Variants in NRXN3 observed in about 807,000 individuals in gnomAD.
NRXN3 encodes the protein neurexin III.
NRXN3 carries 32 observed loss-of-function variants against 137.6 expected under a neutral mutation model. The ratio of observed to expected loss-of-function variants is 0.23; its 90% CI spans 0.18 to 0.31. The LOEUF (loss-of-function observed/expected upper bound fraction) is 0.31. Among genes scored for constraint, NRXN3 ranks in the 10% least tolerant of loss-of-function variants. The pLI is 1.00. For synonymous variants in NRXN3, 798 were observed against 784.5 expected (o/e 1.02, Z -0.29); for missense variants, 1,574 against 2,062.5 (o/e 0.76, Z 4.59).
intron 4 of NRXN3, among the ~76,000 whole-genome samples, chr14:78,524,036 A>C (rs2096335635): frequency 6.6e-6 from 1 of 152,158 alleles, no homozygotes. Flanking sequence ...AAAAGAAGTA[A>C]ATCATCCATA....
intron 15 of NRXN3, among the ~76,000 whole-genome samples, chr14:79,424,005 T>C (rs781485974): frequency 1.3e-5 from 2 of 152,206 alleles, no homozygotes; most frequent in Non-Finnish European, 2.9e-5. Flanking sequence ...TGAGTCACAA[T>C]TGCACTCCTC....
intron 15 of NRXN3, among the ~76,000 whole-genome samples, chr14:79,160,627 C>T (rs1014222506): frequency 2.0e-5 from 3 of 151,696 alleles, no homozygotes; most frequent in Middle Eastern, 3.4e-3. Flanking sequence ...CTTTTTTTAA[C>T]GTGACTCACG....
intron 4 of NRXN3, among the ~76,000 whole-genome samples, chr14:78,447,243 A>T (rs1014906327): frequency 6.6e-6 from 1 of 152,214 alleles, no homozygotes; most frequent in Non-Finnish European, 1.5e-5. Context: ...AGTGCTGCTG[A>T]TTTCTGTGTG....
At chr14:78,350,249 A>G (rs2083298141) in intron 4 of NRXN3, among the ~76,000 whole-genome samples, 1 of 151,838 alleles carries the variant, frequency 6.6e-6, no homozygotes, top group African/African-American at 2.4e-5. Flanking sequence ...AGGTCATGCC[A>G]TTGCACTGCA....
Position 78,656,859 on chromosome 14 carries a change from C to T in NRXN3, c.1221+5533C>T, listed in dbSNP as rs1157982853. ...GAGATTGATACCGTCCTGGCTGACA[C>T]GGTGAAACCCCATCTCTACTAAAAA... is the stretch of plus-strand genomic sequence containing the variant. On this transcript the variant is annotated intron_variant, in intron 6 of 20. Coordinates refer to ENST00000335750, the MANE Select transcript of NRXN3 (RefSeq NM_001330195.2). Among the ~76,000 whole-genome samples, 10 of 151,988 alleles carry T rather than the reference C, an allele frequency of 6.6e-5. No individual in the cohort carries two copies. The South Asian group carries it at 8.3e-4, about 13-fold the overall frequency.
chr14:78,838,274 C>A (rs1312407789), intron 10 of NRXN3, among the ~76,000 whole-genome samples: 1 of 152,094 alleles, frequency 6.6e-6, no homozygotes, highest in Non-Finnish European at 1.5e-5. Context: ...GCTTTTAAAT[C>A]TATGATAAGA....
At chr14:79,573,902 G>C (rs1011237588) in intron 16 of NRXN3, among the ~76,000 whole-genome samples, 1 of 151,780 alleles carries the variant, frequency 6.6e-6, no homozygotes, top group African/African-American at 2.4e-5. Flanking sequence ...GTGATAACAA[G>C]ATATATTATT....
At chr14:79,029,078 G>C (rs759611275) in intron 15 of NRXN3, among the ~76,000 whole-genome samples, 8 of 151,952 alleles carry the variant, frequency 5.3e-5, no homozygotes, top group Non-Finnish European at 1.2e-4. Flanking sequence ...AAGAAAAAGA[G>C]AGAGAGGAAG....
chr14:78,981,153 A>G (rs2099488436), intron 14 of NRXN3, among the ~76,000 whole-genome samples: 1 of 152,204 alleles, frequency 6.6e-6, no homozygotes, highest in South Asian at 2.1e-4. Context: ...TAAACGTAAC[A>G]TTTGATACAG....
At chr14:79,315,146 C>G (rs74067999) in intron 15 of NRXN3, among the ~76,000 whole-genome samples, 3 of 152,082 alleles carry the variant, frequency 2.0e-5, no homozygotes, top group African/African-American at 7.2e-5. Flanking sequence ...TTGATTCCCA[C>G]GGCTGAGCTG....
intron 16 of NRXN3, among the ~76,000 whole-genome samples, chr14:79,649,129 C>T (rs920665816): frequency 1.3e-5 from 2 of 152,134 alleles, no homozygotes; most frequent in East Asian, 3.9e-4. Flanking sequence ...GTTTTCACTT[C>T]CTTCTGACCT....
At chr14:78,809,148 T>C (rs2098895230) in intron 9 of NRXN3, among the ~76,000 whole-genome samples, 1 of 152,118 alleles carries the variant, frequency 6.6e-6, no homozygotes. Context: ...TTCTATGTTG[T>C]GTGTCCATGA....
intron 4 of NRXN3, among the ~76,000 whole-genome samples, chr14:78,379,566 T>C (rs573455789): frequency 6.6e-5 from 10 of 152,338 alleles, no homozygotes; most frequent in Admixed American, 3.9e-4. Flanking sequence ...AACACTTCTT[T>C]ATGATAAAAA....
At chr14:78,454,018 A>G (rs1307925379) in intron 4 of NRXN3, among the ~76,000 whole-genome samples, 1 of 152,210 alleles carries the variant, frequency 6.6e-6, no homozygotes, top group Non-Finnish European at 1.5e-5. Flanking sequence ...TGCCCTAAAA[A>G]ACTAATACAC....
At chr14:78,401,395 C>A (rs1468657520) in intron 4 of NRXN3, among the ~76,000 whole-genome samples, 1 of 152,138 alleles carries the variant, frequency 6.6e-6, no homozygotes, top group African/African-American at 2.4e-5. Context: ...GAACTCCTGA[C>A]CTCAGGTGAT....
At chr14:79,358,700 G>A (rs965650026) in intron 15 of NRXN3, among the ~76,000 whole-genome samples, 4 of 151,546 alleles carry the variant, frequency 2.6e-5, no homozygotes, top group African/African-American at 9.7e-5. Context: ...TACCTGTGGG[G>A]CGTGTTTGGT....
chr14:78,312,617 T>G (rs1003128844), intron 4 of NRXN3, among the ~76,000 whole-genome samples: 3 of 152,174 alleles, frequency 2.0e-5, no homozygotes, highest in Non-Finnish European at 4.4e-5. Context: ...GTATTTATCT[T>G]TAAGCCAGTA....
chr14:79,792,003 C>A (rs1037411149), intron 19 of NRXN3, among the ~76,000 whole-genome samples: 1 of 152,186 alleles, frequency 6.6e-6, no homozygotes, highest in Non-Finnish European at 1.5e-5. Flanking sequence ...TATGTCCGTG[C>A]TATGCCACAC....
At chr14:78,302,096 C>T (rs1179758250) in intron 4 of NRXN3, among the ~76,000 whole-genome samples, 2 of 152,170 alleles carry the variant, frequency 1.3e-5, no homozygotes, top group Non-Finnish European at 2.9e-5. Flanking sequence ...ACCAATCTGC[C>T]TAGGACTCAA....
Sources: gnomAD v4.1 joint callset for allele counts (sites outside exome capture counted in the v4.1 genomes callset) on GRCh38, gnomAD v4.1.1 for gene constraint, MANE v1.5 for transcripts, NCBI Gene and HGNC (gene_info 2026-07-23, HGNC 2026-07-21) for gene names.